Variants in CADM2 observed in about 807,000 individuals in gnomAD.
CADM2 encodes immunoglobulin superfamily member 4D.
In CADM2, 12 loss-of-function variants were observed where a neutral mutation model predicts 49.8. The observed-to-expected ratio is 0.24, with a 90% CI of 0.15 to 0.39. The LOEUF (loss-of-function observed/expected upper bound fraction) is 0.39. Ranked by LOEUF, CADM2 falls within the 10% of genes least tolerant of loss-of-function variation. CADM2 has a pLI of 1.00. For synonymous variants in CADM2, 214 were observed against 175.4 expected, an observed-to-expected ratio of 1.22 and a Z score of -1.74; for missense variants, 378 against 492.3, an observed-to-expected ratio of 0.77 and a Z score of 2.20.
chr3:85,460,063 A>T (rs2107587024), intron 1 of CADM2, among the ~76,000 whole-genome samples: 1 of 152,258 alleles, frequency 6.6e-6, no homozygotes, highest in Non-Finnish European at 1.5e-5. Context: ...CATCTCTTCT[A>T]CCTCAGCTAT....
rs1167804933 is a variant in CADM2 at position 85,961,480 on chromosome 3, T to C, written c.803T>C (p.Val268Ala). Residue 268 changes from valine to alanine, a missense_variant, in exon 8 of 10, where the codon GTT becomes GCT. Physicochemically the swap from Val to Ala is moderately conservative, Grantham distance 64. Coordinates refer to ENST00000383699, the MANE Select transcript of CADM2 (RefSeq NM_001167675.2). ...TTTCAATCCAATAGGCCAGAACCTGTTTTGTGGACAAAGGATGGCGGAGAA... is the reference window on the plus strand; with the variant it reads ...TTTCAATCCAATAGGCCAGAACCTGCTTTGTGGACAAAGGATGGCGGAGAA... ...ESKGKPLPEP[V>A]LWTKDGGELP... 1 of 1,599,546 alleles carries C rather than the reference T, an allele frequency of 6.3e-7. No individual in the cohort carries two copies. The highest frequency in any genetic ancestry group is 8.5e-7 in the Non-Finnish European group (1 of 1,169,612).
chr3:85,859,380 G>A (rs548330483), intron 3 of CADM2, among the ~76,000 whole-genome samples: 20 of 151,728 alleles, frequency 1.3e-4, no homozygotes, highest in South Asian at 2.1e-4. Context: ...ACAGGCATGC[G>A]TCACCACGCC....
chr3:84,960,143 G>T, intron 1 of CADM2: 1 of 170,876 alleles, frequency 5.9e-6, no homozygotes, highest in Non-Finnish European at 1.2e-5. Flanking sequence ...ATATCCGTGT[G>T]TCTTTAAAAA....
intron 8 of CADM2, among the ~76,000 whole-genome samples, chr3:86,025,640 G>A (rs190958165): frequency 1.1e-3 from 166 of 152,182 alleles, no homozygotes; most frequent in African/African-American, 3.9e-3. Flanking sequence ...GAGATAAGCT[G>A]CTTATTAGGA....
chr3:85,784,206 T>G (rs2070830233), intron 2 of CADM2, among the ~76,000 whole-genome samples: 2 of 152,234 alleles, frequency 1.3e-5, no homozygotes, highest in South Asian at 4.1e-4. Context: ...CTTTGGCTAA[T>G]TCTATTCAAT....
intron 1 of CADM2, among the ~76,000 whole-genome samples, chr3:85,167,070 T>C (rs2107677755): frequency 6.6e-6 from 1 of 152,208 alleles, no homozygotes; most frequent in African/African-American, 2.4e-5. Context: ...TTTTTTTTCC[T>C]AAAGCCTTTG....
intron 7 of CADM2, among the ~76,000 whole-genome samples, chr3:85,939,229 T>C (rs557343837): frequency 6.6e-6 from 1 of 152,200 alleles, no homozygotes; most frequent in Non-Finnish European, 1.5e-5. Flanking sequence ...CTGCATAACT[T>C]GGGCCAGGAC....
At chr3:85,254,795 G>A (rs1017178640) in intron 1 of CADM2, among the ~76,000 whole-genome samples, 8 of 151,996 alleles carry the variant, frequency 5.3e-5, no homozygotes, top group African/African-American at 1.9e-4. Context: ...TGTATGGCAG[G>A]AGCTCTACAT....
chr3:85,443,681 C>T (rs897998656), intron 1 of CADM2, among the ~76,000 whole-genome samples: 3 of 152,144 alleles, frequency 2.0e-5, no homozygotes, highest in African/African-American at 7.2e-5. Flanking sequence ...CTTGACTTTA[C>T]TGCAATGTAC....
intron 2 of CADM2, among the ~76,000 whole-genome samples, chr3:85,735,889 G>A (rs2068113277): frequency 3.3e-5 from 5 of 152,138 alleles, no homozygotes; most frequent in Admixed American, 3.3e-4. Flanking sequence ...GCATTCATGT[G>A]AAGATGATAA....
At chr3:85,076,405 T>A (rs764545421) in intron 1 of CADM2, among the ~76,000 whole-genome samples, 4 of 150,952 alleles carry the variant, frequency 2.6e-5, no homozygotes, top group African/African-American at 4.9e-5. Context: ...GTGAGGGCAA[T>A]GGCATGGTAT....
chr3:85,359,637 C>CATATATATAT (rs1191509964), intron 1 of CADM2, among the ~76,000 whole-genome samples: 6 of 34,250 alleles, frequency 1.8e-4, no homozygotes, highest in South Asian at 1.1e-3. Flanking sequence ...CCAATGTCAG[C>CATATATATAT]ATATATATAT....
intron 5 of CADM2, among the ~76,000 whole-genome samples, chr3:85,902,086 A>G (rs1460601019): frequency 6.6e-6 from 1 of 152,096 alleles, no homozygotes; most frequent in East Asian, 1.9e-4. Context: ...ACTCTGCTAT[A>G]AAAATTTAGG....
chr3:85,754,410 C>G (rs1025373133), intron 2 of CADM2, among the ~76,000 whole-genome samples: 2 of 152,158 alleles, frequency 1.3e-5, no homozygotes, highest in African/African-American at 2.4e-5. Context: ...TAGCTACCTA[C>G]TCTAACACTC....
chr3:85,197,320 G>GT (rs1424233007), intron 1 of CADM2, among the ~76,000 whole-genome samples: 1 of 151,776 alleles, frequency 6.6e-6, no homozygotes, highest in African/African-American at 2.4e-5. Flanking sequence ...GCTTAACAGG[G>GT]TAACCTCACT....
rs577994426 is a variant in CADM2, at chr3:85,408,567, G to A, written c.62-317955G>A. Among the ~76,000 whole-genome samples the A allele has an allele frequency of 9.3e-4, 141 of 152,230 alleles. 2 individuals carry two copies. The highest frequency in any genetic ancestry group is 3.3e-3 in the African/African-American group (139 of 41,540). On this transcript the variant is annotated intron_variant, in intron 1 of 9. Coordinates refer to ENST00000383699, the MANE Select transcript of CADM2 (RefSeq NM_001167675.2). ...TGTTCTATTTTTTGCCACCCAATGA[G>A]TTAGATTTCCCACAATTCCTAGTGT...
At chr3:85,231,077 T>C (rs2042275882) in intron 1 of CADM2, among the ~76,000 whole-genome samples, 1 of 152,178 alleles carries the variant, frequency 6.6e-6, no homozygotes, top group African/African-American at 2.4e-5. Context: ...GCCTGCATAT[T>C]GTCTGTGTCC....
intron 1 of CADM2, among the ~76,000 whole-genome samples, chr3:85,316,072 G>A (rs891928954): frequency 1.3e-5 from 2 of 151,998 alleles, no homozygotes; most frequent in Non-Finnish European, 2.9e-5. Context: ...GTTTTTATAA[G>A]ACTGCAATTT....
intron 1 of CADM2, among the ~76,000 whole-genome samples, chr3:85,611,527 C>A (rs1485280520): frequency 1.3e-5 from 2 of 151,026 alleles, no homozygotes; most frequent in Admixed American, 1.3e-4. Context: ...GAGGGAAAGA[C>A]CTGCTAATAA....
Sources: allele counts gnomAD v4.1 joint callset (sites outside exome capture counted in the v4.1 genomes callset), GRCh38; gene constraint gnomAD v4.1.1; transcripts MANE v1.5; gene names NCBI Gene and HGNC (gene_info 2026-07-23, HGNC 2026-07-21).